The following SNAPC1 variants were observed in gnomAD, a reference collection of about 807,000 sequenced individuals.
The protein encoded by SNAPC1 is snRNA-activating protein complex subunit 1.
SNAPC1 carries 42 observed loss-of-function variants against 50.1 expected under a neutral mutation model. That is an observed-to-expected ratio of 0.84 (90% CI 0.65 to 1.08). The LOEUF (loss-of-function observed/expected upper bound fraction) is 1.08, where lower values mean the gene tolerates loss of function less well. SNAPC1 is among the 50% of genes least tolerant of loss of function. The pLI is 0.00. For missense variants in SNAPC1, 477 were observed against 427.3 expected (o/e 1.12, Z -1.02); for synonymous variants, 164 against 144.2 (o/e 1.14, Z -0.98).
intron 4 of SNAPC1, among the ~76,000 whole-genome samples, chr14:61,774,567 G>T (rs1566589359): frequency 6.7e-6 from 1 of 150,298 alleles, no homozygotes; most frequent in African/African-American, 2.5e-5. Context: ...AGAGTTAGGG[G>T]CTCTCCATGT....
intron 3 of SNAPC1, 44 bp downstream of exon 3, chr14:61,767,396 ATACTT>A: frequency 7.8e-7 from 1 of 1,278,524 alleles, no homozygotes; most frequent in East Asian, 2.7e-5. Flanking sequence ...ATGAGCAATT[ATACTT>A]TATTGTCCAT....
chr14:61,792,813 T>A lies in SNAPC1; in HGVS notation c.983T>A (p.Val328Glu). 6.6e-7 allele frequency: 1 copy of A among 1,519,122 alleles called. No individual in the cohort carries two copies. The allele number at this position is 1,519,122 out of a possible 1,614,324, so 94.1% of individuals were successfully genotyped here. Residue 328 changes from valine (V) to glutamate (E), a missense_variant, in exon 9 of 10, where the codon GTG becomes GAG. Physicochemically the swap from Val to Glu is moderately radical, Grantham distance 121. Coordinates refer to ENST00000216294, the MANE Select transcript of SNAPC1 (RefSeq NM_003082.4). ...RKMSLRNKGN[V>E]QNIHKEDKPL... ...ATTTTCTAAATATTTCTAGGCAATGTGCAGAATATACACAAGGAAGATAAA... is the reference window on the plus strand; with the variant it reads ...ATTTTCTAAATATTTCTAGGCAATGAGCAGAATATACACAAGGAAGATAAA...
At chr14:61,762,692 G>A in intron 1 of SNAPC1, 104 bp downstream of exon 1, 1 of 1,385,704 alleles carries the variant, frequency 7.2e-7, no homozygotes, top group Non-Finnish European at 1.0e-6. Context: ...GAGAAGAGCG[G>A]CAGTCACCGA....
At chr14:61,777,611 ATT>A (rs60067898) in intron 5 of SNAPC1, among the ~76,000 whole-genome samples, 4,014 of 109,528 alleles carry the variant, frequency 0.037, 120 homozygotes, top group South Asian at 0.1. Flanking sequence ...TTTAGTTTTA[ATT>A]TTTTTTTTTT....
intron 7 of SNAPC1, 106 bp downstream of exon 7, chr14:61,779,016 T>G: frequency 3.0e-6 from 2 of 657,560 alleles, no homozygotes. Flanking sequence ...AAAAGTCAAA[T>G]AATGCTAGAG....
intron 9 of SNAPC1, among the ~76,000 whole-genome samples, chr14:61,794,703 T>C (rs573390746): frequency 1.7e-3 from 266 of 152,320 alleles, no homozygotes; most frequent in Middle Eastern, 3.4e-3. Context: ...CCACTGCACC[T>C]GGCCGATAGT....
chr14:61,763,256 G>A (rs138913064), intron 1 of SNAPC1, among the ~76,000 whole-genome samples: 7,860 of 151,860 alleles, frequency 0.052, 268 homozygotes, highest in Non-Finnish European at 0.073. Context: ...CTCCCAAAGC[G>A]CTAGGATTAC....
At chr14:61,771,157 A>G (rs762692821) in intron 4 of SNAPC1, among the ~76,000 whole-genome samples, 87 of 152,232 alleles carry the variant, frequency 5.7e-4, no homozygotes, top group Non-Finnish European at 1.2e-3. Context: ...ATATTCCTCA[A>G]TATCTGAAGA....
intron 7 of SNAPC1, among the ~76,000 whole-genome samples, chr14:61,779,379 C>G (rs951622084): frequency 2.0e-5 from 3 of 151,880 alleles, no homozygotes; most frequent in African/African-American, 7.2e-5. Context: ...ATATTCTTTC[C>G]TGCATCTTTT....
intron 1 of SNAPC1, among the ~76,000 whole-genome samples, chr14:61,764,001 C>A (rs527659615): frequency 3.7e-4 from 57 of 152,050 alleles, no homozygotes; most frequent in Non-Finnish European, 7.2e-4. Flanking sequence ...ATGGTGCGAT[C>A]TCCTATCACT....
In SNAPC1 at chr14:61,762,593, G is replaced by A. The variant is rs747295263; in HGVS notation, c.128+5G>A. The A allele has an allele frequency of 1.2e-6, 2 of 1,611,568 alleles. No individual in the cohort carries two copies. The highest frequency in any genetic ancestry group is 1.1e-5 in the South Asian group (1 of 90,820). On this transcript the variant is annotated splice_donor_5th_base_variant and intron_variant, in intron 1 of 9. Coordinates refer to ENST00000216294, the MANE Select transcript of SNAPC1 (RefSeq NM_003082.4). ...GAAGTTCGGGACTATCTTCTGGTGG[G>A]TGTTTCTTGTCCACCACCCGCCTCT...
chr14:61,794,855 C>A, intron 9 of SNAPC1, 94 bp from the exon 10 acceptor site: 1 of 810,868 alleles, frequency 1.2e-6, no homozygotes, highest in South Asian at 1.4e-5. Flanking sequence ...TGTGTATTAT[C>A]AATTAGGTAT....
At chr14:61,762,729 T>C in intron 1 of SNAPC1, 141 bp downstream of exon 1, 1 of 892,306 alleles carries the variant, frequency 1.1e-6, no homozygotes, top group Non-Finnish European at 1.7e-6. Flanking sequence ...TCCTGGACCT[T>C]CCCCTGTGCT....
At chr14:61,787,043 A>G (rs571318454) in intron 8 of SNAPC1, among the ~76,000 whole-genome samples, 7 of 152,364 alleles carry the variant, frequency 4.6e-5, no homozygotes, top group East Asian at 3.9e-4. Context: ...ACAAAAGGCT[A>G]TATACTCTGT....
rs1217947761 is a variant in SNAPC1, at chr14:61,784,234, A to G, written c.976+1837A>G. 2.0e-5 allele frequency among the ~76,000 whole-genome samples: 3 copies of G among 152,324 alleles called. 1 individual carries two copies. Among genetic ancestry groups the G allele is most frequent in the South Asian group, 4.1e-4 (2 of 4,834 alleles). On this transcript the variant is annotated intron_variant, in intron 8 of 9. Transcript: ENST00000216294. ...CAATGCTAAAGGATATTGTGAAGAAAATTGTTAGACTAAACTCACTTATGA... is the reference window on the plus strand; with the variant it reads ...CAATGCTAAAGGATATTGTGAAGAAGATTGTTAGACTAAACTCACTTATGA...
chr14:61,791,846 C>G (rs1443259697), intron 8 of SNAPC1, among the ~76,000 whole-genome samples: 3 of 142,968 alleles, frequency 2.1e-5, no homozygotes, highest in Admixed American at 7.0e-5. Context: ...GACTCTGTCT[C>G]AAAAAAAAAA....
intron 4 of SNAPC1, among the ~76,000 whole-genome samples, chr14:61,775,228 G>A (rs141253295): frequency 8.6e-5 from 13 of 151,978 alleles, no homozygotes; most frequent in African/African-American, 2.9e-4. Flanking sequence ...GCCACAAATG[G>A]TGTCATAAAT....
intron 7 of SNAPC1, among the ~76,000 whole-genome samples, chr14:61,781,775 G>A (rs1231086308): frequency 1.3e-5 from 2 of 152,196 alleles, no homozygotes; most frequent in African/African-American, 4.8e-5. Flanking sequence ...CATTAGCCAT[G>A]ATACATACCA....
At chr14:61,781,943 T>A (rs2045077638) in intron 7 of SNAPC1, among the ~76,000 whole-genome samples, 1 of 152,118 alleles carries the variant, frequency 6.6e-6, no homozygotes, top group Non-Finnish European at 1.5e-5. Flanking sequence ...GGAAATAAAT[T>A]TATTAGAAGA....
Sources: gnomAD v4.1 joint callset for allele counts (sites outside exome capture counted in the v4.1 genomes callset) on GRCh38, gnomAD v4.1.1 for gene constraint, MANE v1.5 for transcripts, NCBI Gene and HGNC (gene_info 2026-07-23, HGNC 2026-07-21) for gene names.